PIGH: variants seen among roughly 807,000 people sequenced by gnomAD.
The protein encoded by PIGH is phosphatidylinositol glycan anchor biosynthesis class H, also known as phosphatidylinositol N-acetylglucosaminyltransferase subunit H.
Under a neutral mutation model 20.1 loss-of-function variants are expected in PIGH, and 11 were observed. The ratio of observed to expected loss-of-function variants is 0.55; its 90% CI spans 0.34 to 0.91. The LOEUF is 0.91. PIGH is among the 40% of genes least tolerant of loss of function. The probability of loss-of-function intolerance (pLI) is 0.02; values close to 1 mark genes in which losing one functional copy is unlikely to be tolerated. For missense variants in PIGH, 189 were observed against 233.6 expected (o/e 0.81, Z 1.24); for synonymous variants, 72 against 93.1 (o/e 0.77, Z 1.31).
Position 67,600,170 on chromosome 14 carries a change from C to G in PIGH, c.34G>C (p.Gly12Arg), listed in dbSNP as rs775546790. Reference protein sequence around the residue: ...EDERSFSDICGGRLALQRRYY... With the variant: ...EDERSFSDICRGRLALQRRYY... ...CGGCGCTGCAGCGCCAGGCGGCCGCCGCAGATATCCGAAAAGCTCCGCTCA... is the reference window on the plus strand; with the variant it reads ...CGGCGCTGCAGCGCCAGGCGGCCGCGGCAGATATCCGAAAAGCTCCGCTCA... The change falls in exon 1 of 4, where the codon GGC becomes CGC. Residue 12 changes from glycine (G) to arginine (R), a missense_variant. By Grantham distance (125) the Gly-to-Arg change is moderately radical. Transcript: ENST00000216452. 1 of 1,589,442 alleles carries G rather than the reference C, an allele frequency of 6.3e-7. No homozygotes were observed. Among genetic ancestry groups the G allele is most frequent in the Non-Finnish European group, 8.6e-7 (1 of 1,168,740 alleles).
In PIGH at chr14:67,593,916, G is replaced by C; in HGVS notation, c.217C>G (p.Leu73Val). 2.5e-6 allele frequency: 4 copies of C among 1,613,324 alleles called. No individual in the cohort carries two copies. The highest frequency in any genetic ancestry group is 3.4e-6 in the Non-Finnish European group (4 of 1,179,450). The change falls in exon 2 of 4, where the codon CTC becomes GTC. Residue 73 changes from leucine (L) to valine (V), a missense_variant. Leu to Val is a conservative substitution (Grantham distance 32). Coordinates refer to ENST00000216452, the MANE Select transcript of PIGH (RefSeq NM_004569.5). ...MILSAAIFIT[L>V]LGLLGYLHFV... Reference sequence around the variant, plus strand: ...TGGAGATAACCAAGCAGACCTAAGAGGGTGATGAAGATGGCAGCAGAGAGG... The same window carrying C: ...TGGAGATAACCAAGCAGACCTAAGACGGTGATGAAGATGGCAGCAGAGAGG...
At chr14:67,598,477 GTCATT>G (rs1264826262) in intron 1 of PIGH, among the ~76,000 whole-genome samples, 1 of 152,114 alleles carries the variant, frequency 6.6e-6, no homozygotes, top group Non-Finnish European at 1.5e-5. Flanking sequence ...CTTTGGATAA[GTCATT>G]GCTCTTTGTG....
In PIGH at chr14:67,589,986, G is replaced by C; in HGVS notation, c.*94C>G. ...CATCCATAATGGTTCCTAGGACTGT[G>C]TCCACCTGATGGTTTGGAGTACGGA... is the stretch of plus-strand genomic sequence containing the variant. On this transcript the variant is annotated 3_prime_UTR_variant, in exon 4 of 4. Transcript: ENST00000216452. 1.4e-6 allele frequency: 2 copies of C among 1,452,546 alleles called. No homozygotes were observed. 90.0% of individuals were successfully genotyped at this position (1,452,546 alleles called of 1,614,324 possible). A position where few individuals can be genotyped will look rare whatever the true frequency, so the allele number is the denominator to read the frequency against.
At position 67,589,519 on chromosome 14, in the gene PIGH, C is replaced by T. The variant is rs1345406049; in HGVS notation, c.*561G>A. The T allele has an allele frequency of 4.1e-6, 4 of 984,878 alleles. No homozygotes were observed. Among genetic ancestry groups the T allele is most frequent in the Non-Finnish European group, 4.8e-6 (4 of 829,576 alleles). The allele number at this position is 984,878 out of a possible 1,614,324, so 61.0% of individuals were successfully genotyped here. A position where few individuals can be genotyped will look rare whatever the true frequency, so the allele number is the denominator to read the frequency against. On this transcript the variant is annotated 3_prime_UTR_variant, in exon 4 of 4. Transcript: ENST00000216452. ...GATCTTGTTTGTCAATAAAAAGCAG[C>T]TATCTGTGAACCAGGTAACTGTGTG...
rs563517554 is a variant in PIGH, at chr14:67,598,161, T to C, written c.180+1863A>G. ...ATCAGATTTCTTCTCATTCCAGATA[T>C]TCATTACTCTCATAAACAGTTTTGA... On this transcript the variant is annotated intron_variant, in intron 1 of 3. Transcript: ENST00000216452. Among the ~76,000 whole-genome samples, 6 of 152,324 alleles carry C rather than the reference T, an allele frequency of 3.9e-5. No individual in the cohort carries two copies. In the South Asian group the frequency reaches 1.2e-3, roughly 32 times the overall value.
At chr14:67,597,132 A>G (rs1416148033) in intron 1 of PIGH, among the ~76,000 whole-genome samples, 1 of 152,256 alleles carries the variant, frequency 6.6e-6, no homozygotes, top group Admixed American at 6.5e-5. Context: ...AGAAAAGAAT[A>G]TTATGAGACA....
At chr14:67,599,892 G>C in intron 1 of PIGH, 132 bp downstream of exon 1, 1 of 685,182 alleles carries the variant, frequency 1.5e-6, no homozygotes, top group Non-Finnish European at 2.4e-6. Context: ...CAGAACCCGT[G>C]AGTTCCCGCC....
chr14:67,599,766 T>G (rs1473565061), intron 1 of PIGH, among the ~76,000 whole-genome samples: 1 of 152,168 alleles, frequency 6.6e-6, no homozygotes, highest in Admixed American at 6.5e-5. Flanking sequence ...GAACTAGATG[T>G]ATGCTGAGTG....
chr14:67,597,269 G>A (rs2036491707), intron 1 of PIGH, among the ~76,000 whole-genome samples: 1 of 152,232 alleles, frequency 6.6e-6, no homozygotes, highest in African/African-American at 2.4e-5. Flanking sequence ...CTTGAGGCCA[G>A]GAGTTCAAGA....
At chr14:67,596,305 T>TC (rs2036473617) in intron 1 of PIGH, among the ~76,000 whole-genome samples, 1 of 137,992 alleles carries the variant, frequency 7.2e-6, no homozygotes, top group African/African-American at 2.6e-5. Flanking sequence ...ATTTTTTTTT[T>TC]TTTTTTTTTT....
Position 67,600,133 on chromosome 14 carries a change from G to A in PIGH, c.71C>T (p.Pro24Leu), listed in dbSNP as rs1478443852. 41 of 1,595,768 alleles carry A rather than the reference G, an allele frequency of 2.6e-5. No individual in the cohort carries two copies. Among genetic ancestry groups the A allele is most frequent in the Non-Finnish European group, 3.3e-5 (39 of 1,171,746 alleles). ...GCTGAGGCAGAATTCCCGGCAGGAC[G>A]GGGAGTAGTAGCGGCGCTGCAGCGC... Reference protein sequence around the residue: ...RLALQRRYYSPSCREFCLSCP... With the variant: ...RLALQRRYYSLSCREFCLSCP... The change falls in exon 1 of 4, where the codon CCG (proline) becomes CTG (leucine). Residue 24 changes from proline to leucine, a missense_variant. Coordinates refer to ENST00000216452, the MANE Select transcript of PIGH (RefSeq NM_004569.5).
At chr14:67,594,021 G>A (rs1051565653) in intron 1 of PIGH, 69 bp from the exon 2 acceptor site, 5 of 984,514 alleles carry the variant, frequency 5.1e-6, no homozygotes, top group Admixed American at 4.0e-5. Flanking sequence ...GCAATGAGGG[G>A]AACATGCATG....
intron 1 of PIGH, among the ~76,000 whole-genome samples, chr14:67,594,603 A>G (rs2036436015): frequency 6.6e-6 from 1 of 151,810 alleles, no homozygotes; most frequent in African/African-American, 2.4e-5. Flanking sequence ...CAGTGAGCCG[A>G]GATCGCACCA....
rs1420021512 is a variant in PIGH, at chr14:67,590,038, A to G, written c.*42T>C. The stretch of plus-strand genomic sequence containing the variant: ...AACCAGCCCCTATGGCTTAAGAGTC[A>G]TCTCCCATGGAAGACAATGCTGGCC... On this transcript the variant is annotated 3_prime_UTR_variant, in exon 4 of 4. Coordinates refer to ENST00000216452, the MANE Select transcript of PIGH (RefSeq NM_004569.5). The G allele has an allele frequency of 2.6e-6, 4 of 1,535,770 alleles. No homozygotes were observed. The highest frequency in any genetic ancestry group is 2.4e-5 in the South Asian group (2 of 82,212).
intron 1 of PIGH, among the ~76,000 whole-genome samples, chr14:67,596,295 A>ATTT (rs772451900): frequency 0.056 from 3,379 of 60,136 alleles, 571 homozygotes; most frequent in African/African-American, 0.17. Context: ...CGCCCAGCTA[A>ATTT]TTTTTTTTTT....
intron 1 of PIGH, among the ~76,000 whole-genome samples, chr14:67,597,596 G>T (rs2036498066): frequency 6.6e-6 from 1 of 152,038 alleles, no homozygotes; most frequent in Admixed American, 6.6e-5. Context: ...GATCCAGAAA[G>T]ATCTAATTTT....
intron 1 of PIGH, 90 bp downstream of exon 1, chr14:67,599,934 C>A: frequency 8.9e-7 from 1 of 1,123,010 alleles, no homozygotes; most frequent in African/African-American, 1.6e-5. Context: ...AGGGGCCGAC[C>A]AGAGGTCCGG....
At chr14:67,598,306 C>T (rs1256878409) in intron 1 of PIGH, among the ~76,000 whole-genome samples, 4 of 152,086 alleles carry the variant, frequency 2.6e-5, no homozygotes, top group Non-Finnish European at 4.4e-5. Context: ...AGTACACCGG[C>T]ATGAGAGAGA....
chr14:67,593,782 G>T lies in PIGH; in HGVS notation c.351C>A (p.Gly117=), dbSNP rs755758419. 3 of 1,613,002 alleles carry T rather than the reference G, an allele frequency of 1.9e-6. No individual in the cohort carries two copies. In the East Asian group the frequency reaches 6.7e-5, roughly 36 times the overall value. ...GKESTTFIEM[G]KVKDIVINEA... Reference sequence around the variant, plus strand: ...CATTGATGACAATATCCTTGACCTTGCCCATTTCTATGAAGGTAGTGCTTT... The same window carrying T: ...CATTGATGACAATATCCTTGACCTTTCCCATTTCTATGAAGGTAGTGCTTT... The change falls in exon 2 of 4, where the codon GGC becomes GGA. Residue 117 remains glycine, a synonymous_variant. Coordinates refer to ENST00000216452, the MANE Select transcript of PIGH (RefSeq NM_004569.5).
Sources: gnomAD v4.1 joint callset for allele counts (sites outside exome capture counted in the v4.1 genomes callset) on GRCh38, gnomAD v4.1.1 for gene constraint, MANE v1.5 for transcripts, NCBI Gene and HGNC (gene_info 2026-07-23, HGNC 2026-07-21) for gene names.